TACR3: variants seen among roughly 807,000 people sequenced by gnomAD.
TACR3 encodes the protein neuromedin-K receptor.
Under a neutral mutation model 35.0 loss-of-function variants are expected in TACR3, and 34 were observed. That is an observed-to-expected ratio of 0.97 (90% CI 0.74 to 1.30). The LOEUF (loss-of-function observed/expected upper bound fraction) is 1.30. Among genes scored for constraint, TACR3 ranks in the 50% most tolerant of loss-of-function variants. TACR3 has a pLI of 0.00. For missense variants in TACR3, 558 were observed against 591.7 expected (o/e 0.94, Z 0.59); for synonymous variants, 233 against 221.1 (o/e 1.05, Z -0.48).
At chr4:103,595,722 TA>T (rs1279320237) in intron 3 of TACR3, among the ~76,000 whole-genome samples, 1 of 152,004 alleles carries the variant, frequency 6.6e-6, no homozygotes, top group East Asian at 1.9e-4. Flanking sequence ...CTTTTTTTTT[TA>T]ATTTTGGCAA....
At chr4:103,626,148 A>G (rs778947147) in intron 3 of TACR3, among the ~76,000 whole-genome samples, 1 of 152,082 alleles carries the variant, frequency 6.6e-6, no homozygotes, top group Non-Finnish European at 1.5e-5. Flanking sequence ...TTCCCTCCCT[A>G]TCACCTCATC....
intron 1 of TACR3, among the ~76,000 whole-genome samples, chr4:103,674,840 G>A (rs1184115670): frequency 8.5e-5 from 13 of 152,148 alleles, no homozygotes; most frequent in Admixed American, 5.2e-4. Context: ...GTGAGCCACC[G>A]CGCCCGGCCT....
At chr4:103,714,081 T>G (rs1382915263) in intron 1 of TACR3, among the ~76,000 whole-genome samples, 2 of 152,172 alleles carry the variant, frequency 1.3e-5, no homozygotes, top group Non-Finnish European at 2.9e-5. Context: ...CTTTCATGCT[T>G]GTTAGACATT....
chr4:103,703,317 A>C (rs1722705838), intron 1 of TACR3, among the ~76,000 whole-genome samples: 1 of 152,202 alleles, frequency 6.6e-6, no homozygotes, highest in African/African-American at 2.4e-5. Context: ...TTGTACAACC[A>C]TACCACCACT....
intron 2 of TACR3, among the ~76,000 whole-genome samples, chr4:103,657,222 T>TTTGTG (rs1553972236): frequency 6.6e-6 from 1 of 151,842 alleles, no homozygotes; most frequent in Middle Eastern, 3.2e-3. Flanking sequence ...ACCAGTGTTT[T>TTTGTG]TTTTGTTTTG....
At position 103,642,619 on chromosome 4, in the gene TACR3, G is replaced by A. The variant is rs190239889; in HGVS notation, c.888+13575C>T. Reference sequence around the variant, plus strand: ...GGAACTATATGAAAATTGATCTCACGGAAGTACAGAGTAGAACGGTGATTA... The same window carrying A: ...GGAACTATATGAAAATTGATCTCACAGAAGTACAGAGTAGAACGGTGATTA... On this transcript the variant is annotated intron_variant, in intron 3 of 4. Coordinates refer to ENST00000304883, the MANE Select transcript of TACR3 (RefSeq NM_001059.3). Among the ~76,000 whole-genome samples the A allele has an allele frequency of 4.7e-3, 710 of 151,818 alleles. 10 individuals are homozygous for A. The highest frequency in any genetic ancestry group is 0.016 in the African/African-American group (673 of 41,448).
chr4:103,597,943 T>C (rs1319233867), intron 3 of TACR3, among the ~76,000 whole-genome samples: 1 of 152,198 alleles, frequency 6.6e-6, no homozygotes, highest in Admixed American at 6.5e-5. Flanking sequence ...AACAGCATGA[T>C]TTATAATCCT....
rs554302859 is a variant in TACR3, at chr4:103,659,114, G to A, written c.549-711C>T. Among the ~76,000 whole-genome samples, 131 of 152,282 alleles carry A rather than the reference G, an allele frequency of 8.6e-4. 1 individual carries two copies. Among genetic ancestry groups the A allele is most frequent in the Middle Eastern group, 3.4e-3 (1 of 294 alleles). The stretch of plus-strand genomic sequence containing the variant: ...GAGGCGGAGCTCAGGCAGTAATGCA[G>A]CACTGGGGAATGGCAGTAAAAACAG... On this transcript the variant is annotated intron_variant, in intron 1 of 4. Coordinates refer to ENST00000304883, the MANE Select transcript of TACR3 (RefSeq NM_001059.3).
chr4:103,712,878 T>G (rs1446345405), intron 1 of TACR3, among the ~76,000 whole-genome samples: 1 of 152,148 alleles, frequency 6.6e-6, no homozygotes, highest in East Asian at 1.9e-4. Flanking sequence ...GAAAAAATGC[T>G]CATCATCACT....
In TACR3 at chr4:103,639,299, G is replaced by A. The variant is rs571941830; in HGVS notation, c.888+16895C>T. ...TGTTCATGTCCTTTGTAGTGACATG[G>A]ATGAAACTGGAAACCATCATTCTCA... On this transcript the variant is annotated intron_variant, in intron 3 of 4. Transcript: ENST00000304883. Among the ~76,000 whole-genome samples, 381 of 152,206 alleles carry A rather than the reference G, an allele frequency of 2.5e-3. 4 individuals carry two copies. The highest frequency in any genetic ancestry group is 8.8e-3 in the African/African-American group (367 of 41,520).
Position 103,666,778 on chromosome 4 carries a change from A to G in TACR3, c.549-8375T>C, listed in dbSNP as rs543934924. ...TACTTATACTATCTCTGTAATAAGTAGTTTTAAAATCAGAACATATTTGAT... is the reference window on the plus strand; with the variant it reads ...TACTTATACTATCTCTGTAATAAGTGGTTTTAAAATCAGAACATATTTGAT... On this transcript the variant is annotated intron_variant, in intron 1 of 4. Coordinates refer to ENST00000304883, the MANE Select transcript of TACR3 (RefSeq NM_001059.3). 1.7e-3 allele frequency among the ~76,000 whole-genome samples: 265 copies of G among 152,322 alleles called. 3 individuals are homozygous for G. The highest frequency in any genetic ancestry group is 0.014 in the South Asian group (68 of 4,828).
Position 103,589,755 on chromosome 4 carries a change from C to T in TACR3, c.1325G>A (p.Arg442Lys). The T allele has an allele frequency of 6.2e-7, 1 of 1,613,952 alleles. No homozygotes were observed. Among genetic ancestry groups the T allele is most frequent in the Non-Finnish European group, 8.5e-7 (1 of 1,179,888 alleles). The change falls in exon 5 of 5, where the codon AGG becomes AAG. Residue 442 changes from arginine (R) to lysine (K), a missense_variant. Arg to Lys is a conservative substitution (Grantham distance 26, BLOSUM62 2). Coordinates refer to ENST00000304883, the MANE Select transcript of TACR3 (RefSeq NM_001059.3). ...AGTGGCGGAGGCAGATTTGGAATTC[C>T]TGCGAGAGCAGCCATTGAAACTTGG... ...RDPSFNGCSRRNSKSASATSS... is the reference protein window; with the variant it reads ...RDPSFNGCSRKNSKSASATSS...
rs1723783616 is a variant in TACR3, at chr4:103,587,032, C to T, written c.*2650G>A. 1 of 151,874 alleles carries T rather than the reference C, an allele frequency of 6.6e-6. No individual in the cohort carries two copies. Among genetic ancestry groups the T allele is most frequent in the Non-Finnish European group, 1.5e-5 (1 of 67,978 alleles). The allele number at this position is 151,874 out of a possible 1,614,324, so 9.4% of individuals were successfully genotyped here. A position where few individuals can be genotyped will look rare whatever the true frequency, so the allele number is the denominator to read the frequency against. ...TTAACCATCTGCCTAGTAGTCTGAG[C>T]CAGTGTTTGCCTTCAAACAATGGAA... On this transcript the variant is annotated 3_prime_UTR_variant, in exon 5 of 5. Coordinates refer to ENST00000304883, the MANE Select transcript of TACR3 (RefSeq NM_001059.3).
chr4:103,591,965 T>C (rs1348095538), intron 3 of TACR3, among the ~76,000 whole-genome samples: 1 of 152,162 alleles, frequency 6.6e-6, no homozygotes, highest in East Asian at 1.9e-4. Flanking sequence ...AATCAGTGTT[T>C]ACAAAAACCC....
At chr4:103,714,857 C>G (rs1010180739) in intron 1 of TACR3, among the ~76,000 whole-genome samples, 1 of 152,126 alleles carries the variant, frequency 6.6e-6, no homozygotes, top group African/African-American at 2.4e-5. Flanking sequence ...CAGTATTTCT[C>G]ATGACTCTAT....
intron 3 of TACR3, among the ~76,000 whole-genome samples, chr4:103,596,306 C>G (rs13133612): frequency 1.1e-3 from 164 of 151,722 alleles, no homozygotes; most frequent in Middle Eastern, 6.8e-3. Flanking sequence ...TCTAGTTCTA[C>G]ATCCCTGAGG....
chr4:103,594,688 T>G (rs186884011), intron 3 of TACR3, among the ~76,000 whole-genome samples: 2 of 152,296 alleles, frequency 1.3e-5, no homozygotes, highest in African/African-American at 4.8e-5. Flanking sequence ...AATTTCAATT[T>G]TCATAGTGCA....
chr4:103,654,248 G>A (rs10020440), intron 3 of TACR3, among the ~76,000 whole-genome samples: 3,102 of 151,204 alleles, frequency 0.021, 111 homozygotes, highest in African/African-American at 0.072. Flanking sequence ...ACATGCACAC[G>A]TATGTTTATT....
chr4:103,699,205 T>C (rs561078363), intron 1 of TACR3, among the ~76,000 whole-genome samples: 187 of 152,226 alleles, frequency 1.2e-3, no homozygotes, highest in Admixed American at 2.8e-3. Context: ...AATAAAGCAA[T>C]TTTATATAAT....
Sources: gnomAD v4.1 joint callset for allele counts (sites outside exome capture counted in the v4.1 genomes callset) on GRCh38, gnomAD v4.1.1 for gene constraint, MANE v1.5 for transcripts, NCBI Gene and HGNC (gene_info 2026-07-23, HGNC 2026-07-21) for gene names.